Variants in WWOX observed in about 807,000 individuals in gnomAD.
The protein encoded by WWOX is WW domain-containing oxidoreductase.
A neutral mutation model predicts 46.2 loss-of-function variants in WWOX; 69 were observed. The ratio of observed to expected loss-of-function variants is 1.49; its 90% confidence interval spans 1.23 to 1.82. The LOEUF (loss-of-function observed/expected upper bound fraction) is 1.82. WWOX is among the 40% of genes most tolerant of loss of function. The pLI is 0.00. For synonymous variants in WWOX, 359 were observed against 202.6 expected (o/e 1.77, Z -6.56); for missense variants, 919 against 542.6 (o/e 1.69, Z -6.89).
intron 8 of WWOX, among the ~76,000 whole-genome samples, chr16:79,127,037 A>G (rs938817656): frequency 6.6e-6 from 1 of 151,878 alleles, no homozygotes; most frequent in Non-Finnish European, 1.5e-5. Flanking sequence ...TTTTTTTTAA[A>G]TTAGGATTAA....
intron 8 of WWOX, among the ~76,000 whole-genome samples, chr16:78,874,911 G>C (rs1241324184): frequency 6.6e-6 from 1 of 152,036 alleles, no homozygotes; most frequent in Non-Finnish European, 1.5e-5. Context: ...TTCAAGCATA[G>C]AGACACAACC....
chr16:78,583,790 C>G (rs548408744), intron 8 of WWOX, among the ~76,000 whole-genome samples: 4 of 152,266 alleles, frequency 2.6e-5, no homozygotes, highest in African/African-American at 9.6e-5. Context: ...GCGAAGCTGC[C>G]TTTTAAATGC....
At chr16:78,352,237 A>G (rs1469368926) in intron 5 of WWOX, among the ~76,000 whole-genome samples, 3 of 152,260 alleles carry the variant, frequency 2.0e-5, no homozygotes, top group Non-Finnish European at 4.4e-5. Flanking sequence ...CAAATTAAAC[A>G]TGTTACATAA....
chr16:78,865,253 T>C (rs552734038), intron 8 of WWOX, among the ~76,000 whole-genome samples: 4 of 152,178 alleles, frequency 2.6e-5, no homozygotes, highest in Non-Finnish European at 5.9e-5. Flanking sequence ...ACTCTCTTCC[T>C]TTATTTTTTT....
At chr16:78,772,223 C>T (rs2050081543) in intron 8 of WWOX, among the ~76,000 whole-genome samples, 1 of 152,166 alleles carries the variant, frequency 6.6e-6, no homozygotes, top group Admixed American at 6.5e-5. Flanking sequence ...GCCCCAGTGT[C>T]TGTTGTTCTT....
chr16:79,027,933 C>T (rs910330089), intron 8 of WWOX, among the ~76,000 whole-genome samples: 3 of 151,454 alleles, frequency 2.0e-5, no homozygotes, highest in African/African-American at 7.3e-5. Flanking sequence ...CTTTATTTTC[C>T]TTTGTTTTTC....
At chr16:78,361,232 C>G (rs2081404501) in intron 5 of WWOX, among the ~76,000 whole-genome samples, 1 of 152,040 alleles carries the variant, frequency 6.6e-6, no homozygotes, top group African/African-American at 2.4e-5. Flanking sequence ...CATTTTTTGG[C>G]AAGAACATTA....
In WWOX at chr16:78,757,119, C is replaced by G. The variant is rs568683297; in HGVS notation, c.1056+324367C>G. On this transcript the variant is annotated intron_variant, in intron 8 of 8. Coordinates refer to ENST00000566780, the MANE Select transcript of WWOX (RefSeq NM_016373.4). The stretch of plus-strand genomic sequence containing the variant: ...ACTGGAACTTTATTTGAGCCCCTAT[C>G]TAGAACCACCGAGCTAAGCTGCTCA... 3.6e-4 allele frequency: 243 copies of G among 678,634 alleles called. 1 individual carries two copies. The highest frequency in any genetic ancestry group is 3.5e-3 in the African/African-American group (198 of 56,410). The allele number at this position is 678,634 out of a possible 1,614,324, so 42.0% of individuals were successfully genotyped here. A position where few individuals can be genotyped will look rare whatever the true frequency, so the allele number is the denominator to read the frequency against.
At chr16:79,092,804 T>G (rs755160110) in intron 8 of WWOX, among the ~76,000 whole-genome samples, 6 of 152,080 alleles carry the variant, frequency 3.9e-5, no homozygotes, top group Non-Finnish European at 8.8e-5. Context: ...GGCTCCTTCA[T>G]AAACCCTAGG....
chr16:78,427,543 C>T (rs527518062), intron 7 of WWOX, among the ~76,000 whole-genome samples: 1 of 135,900 alleles, frequency 7.4e-6, no homozygotes, highest in African/African-American at 2.5e-5. Context: ...CGCACGCACG[C>T]ACACACACAC....
intron 5 of WWOX, among the ~76,000 whole-genome samples, chr16:78,183,740 C>T (rs1375328208): frequency 1.3e-5 from 2 of 152,154 alleles, no homozygotes; most frequent in African/African-American, 4.8e-5. Flanking sequence ...GGTGCCCCCA[C>T]CTTTCCTTCT....
intron 8 of WWOX, among the ~76,000 whole-genome samples, chr16:78,450,926 T>TTGTC (rs1296793518): frequency 6.6e-6 from 1 of 152,216 alleles, no homozygotes; most frequent in Non-Finnish European, 1.5e-5. Context: ...CTTCTGCTTT[T>TTGTC]TGTCCTTCCT....
intron 8 of WWOX, among the ~76,000 whole-genome samples, chr16:79,042,229 C>G (rs1179592611): frequency 6.6e-6 from 1 of 151,778 alleles, no homozygotes; most frequent in Non-Finnish European, 1.5e-5. Context: ...ACTCCAAAGC[C>G]CACGCTCTCT....
chr16:78,668,598 G>C (rs1321166080), intron 8 of WWOX, among the ~76,000 whole-genome samples: 4 of 152,198 alleles, frequency 2.6e-5, no homozygotes, highest in Non-Finnish European at 4.4e-5. Flanking sequence ...TGAGAGACAG[G>C]AGTTGTTATC....
At chr16:78,447,726 G>C (rs1053411661) in intron 8 of WWOX, among the ~76,000 whole-genome samples, 4 of 152,202 alleles carry the variant, frequency 2.6e-5, no homozygotes. Flanking sequence ...TGGGGAGTCA[G>C]TGGAGGGGTA....
rs865828474 is a variant in WWOX at position 78,575,064 on chromosome 16, T to A, written c.1056+142312T>A. On this transcript the variant is annotated intron_variant, in intron 8 of 8. Coordinates refer to ENST00000566780, the MANE Select transcript of WWOX (RefSeq NM_016373.4). ...ATATATATATATATATATATATATA[T>A]ATATATATATATATATATATATATA... 4.3e-3 allele frequency among the ~76,000 whole-genome samples: 92 copies of A among 21,548 alleles called. 6 individuals carry two copies. The highest frequency in any genetic ancestry group is 0.017 in the South Asian group (7 of 406). 14.1% of individuals were successfully genotyped at this position (21,548 alleles called of 152,430 possible). A position where few individuals can be genotyped will look rare whatever the true frequency, so the allele number is the denominator to read the frequency against.
chr16:78,941,186 C>G (rs555636252), intron 8 of WWOX, among the ~76,000 whole-genome samples: 1 of 152,096 alleles, frequency 6.6e-6, no homozygotes, highest in Non-Finnish European at 1.5e-5. Context: ...GGAAATATCC[C>G]AGTTGCAAAG....
chr16:78,315,228 A>T (rs2080335240), intron 5 of WWOX, among the ~76,000 whole-genome samples: 1 of 152,242 alleles, frequency 6.6e-6, no homozygotes, highest in African/African-American at 2.4e-5. Context: ...AAATTGTTCT[A>T]TATCTAAAAT....
intron 8 of WWOX, among the ~76,000 whole-genome samples, chr16:78,938,011 G>T (rs982835791): frequency 6.6e-6 from 1 of 152,150 alleles, no homozygotes; most frequent in Non-Finnish European, 1.5e-5. Flanking sequence ...CTTGCCTAAG[G>T]TATTGCTGTC....
Sources: gnomAD v4.1 joint callset for allele counts (sites outside exome capture counted in the v4.1 genomes callset) on GRCh38, gnomAD v4.1.1 for gene constraint, MANE v1.5 for transcripts, NCBI Gene and HGNC (gene_info 2026-07-23, HGNC 2026-07-21) for gene names.